The following COLEC10 variants were observed in gnomAD, a reference collection of about 807,000 sequenced individuals.
COLEC10 encodes collectin subfamily member 10.
Under a neutral mutation model 28.4 loss-of-function variants are expected in COLEC10, and 22 were observed. The observed-to-expected ratio is 0.78, with a 90% CI of 0.55 to 1.11. The LOEUF (loss-of-function observed/expected upper bound fraction) is 1.11. Among genes scored for constraint, COLEC10 ranks in the 50% least tolerant of loss-of-function variants. The pLI, the probability that COLEC10 is intolerant of heterozygous loss-of-function variation, is 0.00. For synonymous variants in COLEC10, 125 were observed against 116.1 expected, an observed-to-expected ratio of 1.08 and a Z score of -0.49; for missense variants, 361 against 344.1, an observed-to-expected ratio of 1.05 and a Z score of -0.39.
chr8:119,091,061 G>T, intron 2 of COLEC10, 88 bp from the exon 3 acceptor site: 2 of 982,642 alleles, frequency 2.0e-6, no homozygotes, highest in South Asian at 1.3e-5. Flanking sequence ...TATACTTGTT[G>T]GTATTTCTTT....
chr8:119,062,953 A>T (rs185790520), upstream of COLEC10: 102 of 152,340 alleles, frequency 6.7e-4, no homozygotes, highest in African/African-American at 2.0e-3. Context: ...TTAATCCACT[A>T]ATTACTTATT....
chr8:119,065,020 A>C (rs1814926534), upstream of COLEC10, among the ~76,000 whole-genome samples: 1 of 152,148 alleles, frequency 6.6e-6, no homozygotes, highest in African/African-American at 2.4e-5. Context: ...CTTATGAAAA[A>C]ATCAGTCAGT....
At chr8:118,966,705 A>G in the COLEC10 span, among the ~76,000 whole-genome samples, 112 of 151,698 alleles carry the variant, frequency 7.4e-4, no homozygotes, top group African/African-American at 2.7e-3. Flanking sequence ...GACTGGGACT[A>G]TTTAACTCCA....
chr8:118,994,489 C>T (rs965072155), upstream of COLEC10, among the ~76,000 whole-genome samples: 1 of 152,180 alleles, frequency 6.6e-6, no homozygotes, highest in Admixed American at 6.5e-5. Flanking sequence ...GTGTCAGCCA[C>T]TAGCTAGAAT....
chr8:118,962,226 C>T, the COLEC10 span, among the ~76,000 whole-genome samples: 2 of 152,174 alleles, frequency 1.3e-5, no homozygotes, highest in Admixed American at 1.3e-4. Flanking sequence ...TGAGGAAAGT[C>T]CAAGGCGAGT....
chr8:119,068,242 T>C (rs1413742909), intron 1 of COLEC10: 1 of 152,144 alleles, frequency 6.6e-6, no homozygotes, highest in Admixed American at 6.5e-5. Context: ...AAAGTGTTTT[T>C]CCAAAAAACA....
the COLEC10 span, among the ~76,000 whole-genome samples, chr8:118,974,816 G>T: frequency 6.6e-6 from 1 of 151,908 alleles, no homozygotes; most frequent in Non-Finnish European, 1.5e-5. Context: ...ACTATCATCT[G>T]GTATTCCAAG....
intron 2 of COLEC10, among the ~76,000 whole-genome samples, chr8:119,034,827 T>A (rs1186657883): frequency 6.6e-6 from 1 of 152,196 alleles, no homozygotes; most frequent in Non-Finnish European, 1.5e-5. Flanking sequence ...CAGATAATAT[T>A]CCTGAACCTC....
the COLEC10 span, among the ~76,000 whole-genome samples, chr8:118,984,911 G>T: frequency 6.6e-6 from 1 of 152,112 alleles, no homozygotes; most frequent in Non-Finnish European, 1.5e-5. Flanking sequence ...GAGAGCTTGT[G>T]CAGGGCAACT....
At chr8:119,092,170 A>G (rs1371595860) in intron 3 of COLEC10, among the ~76,000 whole-genome samples, 1 of 151,324 alleles carries the variant, frequency 6.6e-6, no homozygotes, top group Non-Finnish European at 1.5e-5. Flanking sequence ...CCCGGGTTCA[A>G]GCAATTCTCC....
intron 2 of COLEC10, among the ~76,000 whole-genome samples, chr8:119,042,139 A>T (rs1300006006): frequency 6.6e-6 from 1 of 151,592 alleles, no homozygotes; most frequent in Non-Finnish European, 1.5e-5. Context: ...CTGGGATTAC[A>T]GGAATGCACC....
At chr8:119,045,934 GA>G (rs1814577329) in intron 2 of COLEC10, among the ~76,000 whole-genome samples, 2 of 152,122 alleles carry the variant, frequency 1.3e-5, no homozygotes, top group African/African-American at 4.8e-5. Flanking sequence ...ACGGTCTTTG[GA>G]AAAGCAGAAG....
the COLEC10 span, among the ~76,000 whole-genome samples, chr8:118,963,730 C>CT: frequency 5.9e-5 from 9 of 151,942 alleles, no homozygotes; most frequent in East Asian, 5.8e-4. Flanking sequence ...TGTTATATTG[C>CT]TTTTTTTTCT....
intron 1 of COLEC10, among the ~76,000 whole-genome samples, chr8:119,004,519 G>A (rs1331976606): frequency 2.7e-5 from 4 of 150,564 alleles, no homozygotes; most frequent in East Asian, 4.0e-4. Context: ...CTTGAACTCC[G>A]CATTGATATT....
chr8:118,968,894 T>C, the COLEC10 span, among the ~76,000 whole-genome samples: 1 of 151,996 alleles, frequency 6.6e-6, no homozygotes, highest in African/African-American at 2.4e-5. Context: ...CTCTTGTTAG[T>C]TTCCTGAGAA....
intron 2 of COLEC10, among the ~76,000 whole-genome samples, chr8:119,047,047 G>T (rs1031385486): frequency 6.6e-6 from 1 of 152,038 alleles, no homozygotes; most frequent in African/African-American, 2.4e-5. Flanking sequence ...ATCCCTAAAT[G>T]CTGACAACTC....
the COLEC10 span, among the ~76,000 whole-genome samples, chr8:118,981,213 A>C: frequency 2.6e-5 from 4 of 152,104 alleles, no homozygotes; most frequent in African/African-American, 7.2e-5. Context: ...TGCAACAAAC[A>C]AAACATATCT....
At chr8:119,003,243 A>G (rs1277482859) in intron 1 of COLEC10, among the ~76,000 whole-genome samples, 14 of 152,110 alleles carry the variant, frequency 9.2e-5, no homozygotes, top group Admixed American at 9.2e-4. Context: ...AGTGTACTCA[A>G]TAAGAAAGCT....
chr8:119,023,856 A>C (rs916225308), intron 2 of COLEC10, among the ~76,000 whole-genome samples: 1 of 152,086 alleles, frequency 6.6e-6, no homozygotes, highest in African/African-American at 2.4e-5. Flanking sequence ...CAGGATTTTT[A>C]ATGGTGCAAA....
Sources: allele counts gnomAD v4.1 joint callset (sites outside exome capture counted in the v4.1 genomes callset), GRCh38; gene constraint gnomAD v4.1.1; transcripts MANE v1.5; gene names NCBI Gene and HGNC (gene_info 2026-07-23, HGNC 2026-07-21).